CNTLN: variants seen among roughly 807,000 people sequenced by gnomAD.
The protein encoded by CNTLN is centlein, also known as centlein, centrosomal protein.
In CNTLN, 212 loss-of-function variants were observed where a neutral mutation model predicts 180.0. The observed-to-expected ratio is 1.18, with a 90% CI of 1.05 to 1.32. The LOEUF (loss-of-function observed/expected upper bound fraction) is 1.32, where lower values mean the gene tolerates loss of function less well. Among genes scored for constraint, CNTLN ranks in the 40% most tolerant of loss-of-function variants. The pLI, the probability that CNTLN is intolerant of heterozygous loss-of-function variation, is 0.00. For missense variants in CNTLN, 2,095 were observed against 1,610.9 expected, an observed-to-expected ratio of 1.30 and a Z score of -5.14; for synonymous variants, 722 against 563.1, an observed-to-expected ratio of 1.28 and a Z score of -3.99.
At chr9:17,301,809 A>G (rs941038459) in intron 7 of CNTLN, 58 of 981,528 alleles carry the variant, frequency 5.9e-5, no homozygotes, top group Non-Finnish European at 6.8e-5. Context: ...AAAGTCTTTT[A>G]TAATTCCATC....
At chr9:17,457,503 T>C (rs373445051) in intron 18 of CNTLN, 21 bp from the exon 19 acceptor site, 41 of 1,196,012 alleles carry the variant, frequency 3.4e-5, no homozygotes, top group Non-Finnish European at 4.1e-5. Flanking sequence ...TTTATATTTA[T>C]TTTCTTTTTT....
At position 17,425,053 on chromosome 9, in the gene CNTLN, T is replaced by C. The variant is rs372900171; in HGVS notation, c.3114+8864T>C. Among the ~76,000 whole-genome samples, 30 of 152,334 alleles carry C rather than the reference T, an allele frequency of 2.0e-4. 2 individuals are homozygous for C. The East Asian group carries it at 2.9e-3, about 15-fold the overall frequency. On this transcript the variant is annotated intron_variant, in intron 18 of 25. Coordinates refer to ENST00000380647, the MANE Select transcript of CNTLN (RefSeq NM_017738.4). ...TCTAAAAAGCTCTCTCCTGAAATAA[T>C]ATCTATATTTAGCGAAAACAGAGTA...
intron 1 of CNTLN, among the ~76,000 whole-genome samples, chr9:17,142,256 T>A (rs1321547332): frequency 6.6e-6 from 1 of 151,236 alleles, no homozygotes; most frequent in African/African-American, 2.4e-5. Context: ...TATTTTGCAA[T>A]TTTTTTTAGC....
intron 23 of CNTLN, among the ~76,000 whole-genome samples, chr9:17,480,429 GT>G (rs1401593063): frequency 1.3e-5 from 2 of 151,766 alleles, no homozygotes; most frequent in African/African-American, 4.8e-5. Flanking sequence ...ATTATGAAAT[GT>G]TTATGTATCT....
intron 7 of CNTLN, among the ~76,000 whole-genome samples, chr9:17,303,842 A>T (rs1437601512): frequency 6.6e-6 from 1 of 152,166 alleles, no homozygotes; most frequent in Non-Finnish European, 1.5e-5. Context: ...TCGAATAATA[A>T]TTGGGATTTA....
chr9:17,320,492 TTTTG>T (rs144263085), intron 8 of CNTLN, among the ~76,000 whole-genome samples: 89,276 of 150,664 alleles, frequency 0.59, 26,683 homozygotes, highest in East Asian at 0.73. Context: ...TTCCAATGCC[TTTTG>T]TTTGTTTGTT....
At chr9:17,318,344 T>G (rs1265705786) in intron 8 of CNTLN, among the ~76,000 whole-genome samples, 2 of 152,066 alleles carry the variant, frequency 1.3e-5, no homozygotes, top group Middle Eastern at 3.2e-3. Flanking sequence ...TGAATATTTT[T>G]AAAAGATCAC....
At chr9:17,161,928 A>C (rs1819709998) in intron 2 of CNTLN, among the ~76,000 whole-genome samples, 1 of 151,748 alleles carries the variant, frequency 6.6e-6, no homozygotes, top group African/African-American at 2.4e-5. Context: ...TCTATGGTTA[A>C]TCTTTTTTGT....
intron 14 of CNTLN, among the ~76,000 whole-genome samples, chr9:17,392,711 T>C (rs1188397213): frequency 6.6e-6 from 1 of 152,162 alleles, no homozygotes; most frequent in Non-Finnish European, 1.5e-5. Flanking sequence ...GTGAGATTCT[T>C]CATACTGTGT....
At chr9:17,343,701 T>TTA (rs1046052691) in intron 12 of CNTLN, among the ~76,000 whole-genome samples, 145 of 152,298 alleles carry the variant, frequency 9.5e-4, no homozygotes, top group African/African-American at 3.4e-3. Flanking sequence ...TACAATTCAC[T>TTA]TATATAACGT....
At chr9:17,239,555 A>T (rs1031692129) in intron 5 of CNTLN, among the ~76,000 whole-genome samples, 16 of 152,282 alleles carry the variant, frequency 1.1e-4, no homozygotes, top group African/African-American at 3.6e-4. Flanking sequence ...ATCCAAGGTC[A>T]TGAAGATTGA....
chr9:17,271,895 T>C (rs1827973556), intron 5 of CNTLN, among the ~76,000 whole-genome samples: 1 of 152,200 alleles, frequency 6.6e-6, no homozygotes, highest in Admixed American at 6.5e-5. Flanking sequence ...AGTTTTTTCA[T>C]TTTAGCTGCC....
chr9:17,158,767 A>G (rs1819475203), intron 2 of CNTLN, among the ~76,000 whole-genome samples: 2 of 151,956 alleles, frequency 1.3e-5, no homozygotes, highest in South Asian at 4.1e-4. Flanking sequence ...TATCATGATC[A>G]GTCTAGCTAA....
chr9:17,160,221 T>C (rs1204913985), intron 2 of CNTLN, among the ~76,000 whole-genome samples: 1 of 152,160 alleles, frequency 6.6e-6, no homozygotes, highest in Non-Finnish European at 1.5e-5. Flanking sequence ...GCATTTCTCT[T>C]ATTATTTGTA....
chr9:17,416,130 C>T lies in CNTLN; in HGVS notation c.3055C>T (p.Leu1019Phe). The change falls in exon 18 of 26, where the codon CTC (leucine) becomes TTC (phenylalanine). Residue 1019 changes from leucine to phenylalanine, a missense_variant. Coordinates refer to ENST00000380647, the MANE Select transcript of CNTLN (RefSeq NM_017738.4). Reference sequence around the variant, plus strand: ...AGAATATAAAGAAGTTAATGAAAAGCTCCTCCATCAACAGCAAGTATCCGA... The same window carrying T: ...AGAATATAAAGAAGTTAATGAAAAGTTCCTCCATCAACAGCAAGTATCCGA... ...VKEYKEVNEK[L>F]LHQQQVSDQR... The T allele has an allele frequency of 1.2e-6, 2 of 1,613,498 alleles. No individual in the cohort carries two copies. Among genetic ancestry groups the T allele is most frequent in the Non-Finnish European group, 1.7e-6 (2 of 1,179,708 alleles).
intron 2 of CNTLN, among the ~76,000 whole-genome samples, chr9:17,214,170 C>T (rs572612072): frequency 8.6e-4 from 131 of 152,206 alleles, no homozygotes; most frequent in Non-Finnish European, 1.6e-4. Context: ...TACACTTTGG[C>T]ATGTTTTTGC....
At chr9:17,508,861 C>CT (rs1280384003), downstream of CNTLN, among the ~76,000 whole-genome samples, 2 of 152,160 alleles carry the variant, frequency 1.3e-5, no homozygotes, top group African/African-American at 4.8e-5. Context: ...AGGTCAGGGA[C>CT]TAGGAAAGAA....
chr9:17,304,322 A>G (rs556469226), intron 7 of CNTLN, among the ~76,000 whole-genome samples: 5 of 152,262 alleles, frequency 3.3e-5, no homozygotes, highest in African/African-American at 1.2e-4. Flanking sequence ...TCTTCCTCTG[A>G]GCATGTAGCC....
intron 2 of CNTLN, among the ~76,000 whole-genome samples, chr9:17,184,210 A>T (rs2131748308): frequency 6.6e-6 from 1 of 152,298 alleles, no homozygotes; most frequent in East Asian, 1.9e-4. Flanking sequence ...TATTCGAATC[A>T]TAAATGAATT....
Sources: allele counts gnomAD v4.1 joint callset (sites outside exome capture counted in the v4.1 genomes callset), GRCh38; gene constraint gnomAD v4.1.1; transcripts MANE v1.5; gene names NCBI Gene and HGNC (gene_info 2026-07-23, HGNC 2026-07-21).